Variants in GALNT17 observed in about 807,000 individuals in gnomAD.
GALNT17 encodes the protein polypeptide N-acetylgalactosaminyltransferase 17, also known as UDP-GalNAc:polypeptide N-acetylgalactosaminyltransferase-like 3.
A neutral mutation model predicts 63.7 loss-of-function variants in GALNT17; 29 were observed. The ratio of observed to expected loss-of-function variants is 0.46; its 90% CI spans 0.34 to 0.62. The LOEUF is 0.62. Among genes scored for constraint, GALNT17 ranks in the 20% least tolerant of loss-of-function variants. The pLI is 0.01. For missense variants in GALNT17, 603 were observed against 799.6 expected (o/e 0.75, Z 2.97); for synonymous variants, 305 against 318.3 (o/e 0.96, Z 0.45).
At chr7:71,635,423 C>T (rs369928972) in intron 6 of GALNT17, among the ~76,000 whole-genome samples, 36 of 152,232 alleles carry the variant, frequency 2.4e-4, no homozygotes, top group Admixed American at 2.0e-3. Flanking sequence ...GAAACAGTCT[C>T]TCGGGTTAAA....
intron 2 of GALNT17, among the ~76,000 whole-genome samples, chr7:71,372,239 A>T (rs1268677738): frequency 1.5e-4 from 23 of 152,132 alleles, no homozygotes. Context: ...ATCTTGGCTC[A>T]CTGCAACCTC....
At chr7:71,578,776 C>T (rs1230083709) in intron 6 of GALNT17, among the ~76,000 whole-genome samples, 3 of 152,166 alleles carry the variant, frequency 2.0e-5, no homozygotes, top group Admixed American at 2.0e-4. Flanking sequence ...CTACAGCTAG[C>T]TCTTGCAAGG....
intron 1 of GALNT17, among the ~76,000 whole-genome samples, chr7:71,318,930 C>T (rs1791550305): frequency 6.6e-6 from 1 of 152,144 alleles, no homozygotes; most frequent in South Asian, 2.1e-4. Flanking sequence ...GAATCCACAT[C>T]CCCATTGTAC....
chr7:71,324,467 A>G (rs1791669497), intron 1 of GALNT17, among the ~76,000 whole-genome samples: 4 of 152,168 alleles, frequency 2.6e-5, no homozygotes, highest in Non-Finnish European at 5.9e-5. Flanking sequence ...CCTGAGCAAC[A>G]TGTCTTAACT....
chr7:71,518,011 C>G (rs146277374), intron 5 of GALNT17, among the ~76,000 whole-genome samples: 1 of 152,188 alleles, frequency 6.6e-6, no homozygotes, highest in Non-Finnish European at 1.5e-5. Flanking sequence ...CTGGGGGAGA[C>G]AGCATATGTC....
chr7:71,693,648 G>T (rs959874823), intron 9 of GALNT17, among the ~76,000 whole-genome samples: 1 of 151,730 alleles, frequency 6.6e-6, no homozygotes, highest in East Asian at 2.0e-4. Flanking sequence ...GCCTATTGGA[G>T]GGTAGGGGGT....
chr7:71,312,535 G>A (rs770823895), intron 1 of GALNT17, among the ~76,000 whole-genome samples: 12 of 152,058 alleles, frequency 7.9e-5, no homozygotes, highest in South Asian at 2.1e-4. Context: ...AATTTTTCTC[G>A]CAGATCTGGA....
At chr7:71,346,871 A>G (rs2116156731) in intron 2 of GALNT17, among the ~76,000 whole-genome samples, 1 of 152,132 alleles carries the variant, frequency 6.6e-6, no homozygotes, top group Middle Eastern at 3.5e-3. Flanking sequence ...TTGAGTAGCT[A>G]TTGCCTGTGA....
At chr7:71,494,866 G>C (rs975472301) in intron 5 of GALNT17, among the ~76,000 whole-genome samples, 40 of 152,278 alleles carry the variant, frequency 2.6e-4, no homozygotes, top group Admixed American at 2.1e-3. Context: ...TTGTGCGGGG[G>C]AACTCCCGTT....
At chr7:71,675,369 A>G (rs558908868) in intron 8 of GALNT17, among the ~76,000 whole-genome samples, 39 of 152,332 alleles carry the variant, frequency 2.6e-4, no homozygotes, top group Non-Finnish European at 4.4e-4. Flanking sequence ...GATAGATTTG[A>G]TTGCAGAAAC....
At chr7:71,183,093 GA>G (rs1428908129) in intron 1 of GALNT17, among the ~76,000 whole-genome samples, 1 of 152,146 alleles carries the variant, frequency 6.6e-6, no homozygotes, top group Non-Finnish European at 1.5e-5. Flanking sequence ...TGTGCAGAGT[GA>G]AAGGGGCTTT....
intron 1 of GALNT17, among the ~76,000 whole-genome samples, chr7:71,282,623 G>C (rs940722301): frequency 1.3e-5 from 2 of 152,044 alleles, no homozygotes; most frequent in African/African-American, 4.8e-5. Flanking sequence ...TGTGCAGATG[G>C]GTTGAGGGCT....
chr7:71,164,948 T>G (rs973885366), intron 1 of GALNT17, among the ~76,000 whole-genome samples: 3 of 152,166 alleles, frequency 2.0e-5, no homozygotes, highest in Non-Finnish European at 4.4e-5. Context: ...GAAATAAACA[T>G]GAATTTGCAT....
At chr7:71,693,095 G>A (rs1467806350) in intron 9 of GALNT17, among the ~76,000 whole-genome samples, 3 of 151,656 alleles carry the variant, frequency 2.0e-5, no homozygotes, top group Admixed American at 6.6e-5. Flanking sequence ...TTCAGTGAAA[G>A]TGGATCATCA....
At chr7:71,327,105 T>C (rs1239371452) in intron 1 of GALNT17, among the ~76,000 whole-genome samples, 1 of 152,196 alleles carries the variant, frequency 6.6e-6, no homozygotes, top group Non-Finnish European at 1.5e-5. Context: ...ACTCTTTGTG[T>C]GTCAGGCACT....
intron 5 of GALNT17, among the ~76,000 whole-genome samples, chr7:71,568,714 T>C (rs1789389145): frequency 6.6e-6 from 1 of 152,138 alleles, no homozygotes; most frequent in Non-Finnish European, 1.5e-5. Flanking sequence ...AATGAATTTA[T>C]TATGTAAGGG....
intron 10 of GALNT17, 111 bp from the exon 11 acceptor site, chr7:71,711,903 CTTTT>C: frequency 8.5e-7 from 1 of 1,173,900 alleles, no homozygotes; most frequent in Non-Finnish European, 1.2e-6. Flanking sequence ...TTCTCTTTTT[CTTTT>C]TCTCTTTGTC....
At chr7:71,599,384 C>T (rs1257002060) in intron 6 of GALNT17, among the ~76,000 whole-genome samples, 1 of 152,170 alleles carries the variant, frequency 6.6e-6, no homozygotes, top group African/African-American at 2.4e-5. Flanking sequence ...TGGGCAAAGA[C>T]AGCCAGAATT....
At chr7:71,642,744 A>G (rs1047319625) in intron 6 of GALNT17, among the ~76,000 whole-genome samples, 2 of 152,122 alleles carry the variant, frequency 1.3e-5, no homozygotes, top group African/African-American at 4.8e-5. Flanking sequence ...CTGAGACACG[A>G]GAATCACTTG....
Sources: gnomAD v4.1 joint callset for allele counts (sites outside exome capture counted in the v4.1 genomes callset) on GRCh38, gnomAD v4.1.1 for gene constraint, MANE v1.5 for transcripts, NCBI Gene and HGNC (gene_info 2026-07-23, HGNC 2026-07-21) for gene names.